DPP6: variants seen among roughly 807,000 people sequenced by gnomAD.
The protein encoded by DPP6 is dipeptidyl peptidase like 6, also known as A-type potassium channel modulatory protein DPP6.
DPP6 carries 69 observed loss-of-function variants against 122.6 expected under a neutral mutation model. The ratio of observed to expected loss-of-function variants is 0.56; its 90% confidence interval spans 0.46 to 0.69. The LOEUF is 0.69. DPP6 is among the 30% of genes least tolerant of loss of function. The pLI is 0.00. For missense variants in DPP6, 928 were observed against 1,116.9 expected, an observed-to-expected ratio of 0.83 and a Z score of 2.41; for synonymous variants, 418 against 433.1, an observed-to-expected ratio of 0.97 and a Z score of 0.43.
At chr7:154,134,030 G>A (rs964799851) in intron 1 of DPP6, among the ~76,000 whole-genome samples, 47 of 151,950 alleles carry the variant, frequency 3.1e-4, no homozygotes, top group Non-Finnish European at 5.6e-4. Context: ...AGGTTCAAAA[G>A]GCTAATTTGG....
the DPP6 span, among the ~76,000 whole-genome samples, chr7:153,865,439 C>G: frequency 6.6e-6 from 1 of 152,088 alleles, no homozygotes; most frequent in African/African-American, 2.4e-5. Context: ...AAAAGGGGCT[C>G]TAGTTTCTTT....
intron 1 of DPP6, among the ~76,000 whole-genome samples, chr7:154,125,594 A>G (rs1406260118): frequency 6.6e-6 from 1 of 152,146 alleles, no homozygotes; most frequent in African/African-American, 2.4e-5. Flanking sequence ...CCCCATCGGT[A>G]GGGCACAGGC....
At chr7:153,790,511 A>C in the DPP6 span, among the ~76,000 whole-genome samples, 121 of 152,292 alleles carry the variant, frequency 7.9e-4, no homozygotes, top group African/African-American at 2.2e-3. Flanking sequence ...TTTGGCTTTA[A>C]GTCTCCTAAG....
chr7:154,431,522 C>A (rs894110096), intron 1 of DPP6, among the ~76,000 whole-genome samples: 4 of 80,032 alleles, frequency 5.0e-5, no homozygotes, highest in African/African-American at 1.4e-4. Flanking sequence ...TTTATTATTT[C>A]TTTCTTTCTT....
chr7:154,111,460 A>G (rs893275879), intron 1 of DPP6, among the ~76,000 whole-genome samples: 13 of 152,210 alleles, frequency 8.5e-5, no homozygotes, highest in African/African-American at 3.1e-4. Flanking sequence ...TAAACAGTCA[A>G]TCAACATTAT....
intron 5 of DPP6, among the ~76,000 whole-genome samples, chr7:154,592,999 G>A (rs1427308219): frequency 6.6e-6 from 1 of 152,176 alleles, no homozygotes; most frequent in African/African-American, 2.4e-5. Flanking sequence ...CACCCAGGCT[G>A]CGGGCCGGAG....
intron 1 of DPP6, among the ~76,000 whole-genome samples, chr7:154,292,798 CAA>C (rs1391900402): frequency 6.6e-6 from 1 of 152,154 alleles, no homozygotes; most frequent in Non-Finnish European, 1.5e-5. Context: ...TCGCGTTTCA[CAA>C]AAGTTACACA....
At chr7:154,033,463 C>G (rs1428374303) in intron 1 of DPP6, among the ~76,000 whole-genome samples, 1 of 152,256 alleles carries the variant, frequency 6.6e-6, no homozygotes, top group Non-Finnish European at 1.5e-5. Context: ...AGTCCCCGTC[C>G]AGCATTTAAA....
intron 1 of DPP6, among the ~76,000 whole-genome samples, chr7:154,138,236 T>C (rs1258439259): frequency 1.3e-5 from 2 of 152,230 alleles, no homozygotes; most frequent in South Asian, 2.1e-4. Flanking sequence ...AGATGTTTTA[T>C]GTGTATGGTG....
intron 1 of DPP6, among the ~76,000 whole-genome samples, chr7:154,025,248 CT>C (rs1209245599): frequency 1.4e-5 from 2 of 144,864 alleles, no homozygotes; most frequent in African/African-American, 5.2e-5. Context: ...AAGACACTAT[CT>C]TGAGGGAAAA....
chr7:154,803,967 C>T lies in DPP6; in HGVS notation c.1499+12C>T, dbSNP rs774222176. On this transcript the variant is annotated intron_variant, in intron 14 of 25. Coordinates refer to ENST00000377770, the MANE Select transcript of DPP6 (RefSeq NM_130797.4). ...AAGGGGAATAAGATGTGAGTGAGAA[C>T]CAGGGGCCTGCCCCATCTTACTGGC... The T allele has an allele frequency of 1.9e-6, 3 of 1,612,412 alleles. No individual in the cohort carries two copies. Among genetic ancestry groups the T allele is most frequent in the East Asian group, 4.5e-5 (2 of 44,812 alleles).
At chr7:154,608,181 G>A (rs1297330159) in intron 5 of DPP6, among the ~76,000 whole-genome samples, 2 of 150,712 alleles carry the variant, frequency 1.3e-5, no homozygotes, top group Non-Finnish European at 3.0e-5. Flanking sequence ...GGGTTTCCCT[G>A]TGTTAGCCAG....
intron 1 of DPP6, among the ~76,000 whole-genome samples, chr7:154,315,165 T>G (rs1351261296): frequency 6.6e-6 from 1 of 152,204 alleles, no homozygotes; most frequent in Admixed American, 6.5e-5. Flanking sequence ...ATGCATGCTT[T>G]GGAAGTATGC....
At chr7:154,043,474 A>G (rs1416979326) in intron 1 of DPP6, among the ~76,000 whole-genome samples, 26 of 143,522 alleles carry the variant, frequency 1.8e-4, no homozygotes, top group Non-Finnish European at 2.7e-4. Flanking sequence ...TGCTCAGATA[A>G]GTATACCACC....
intron 17 of DPP6, among the ~76,000 whole-genome samples, chr7:154,862,522 G>T (rs543517380): frequency 6.6e-6 from 1 of 152,252 alleles, no homozygotes; most frequent in Admixed American, 6.5e-5. Flanking sequence ...AGCAAGCCAC[G>T]CATGGAGCTG....
At chr7:153,770,543 A>G in the DPP6 span, among the ~76,000 whole-genome samples, 1 of 152,224 alleles carries the variant, frequency 6.6e-6, no homozygotes, top group African/African-American at 2.4e-5. Flanking sequence ...GAAGGAAAAA[A>G]AAAGCCAATT....
At chr7:154,090,887 G>A (rs529869891) in intron 1 of DPP6, among the ~76,000 whole-genome samples, 54 of 149,172 alleles carry the variant, frequency 3.6e-4, no homozygotes, top group Admixed American at 1.7e-3. Flanking sequence ...TTGGGAGGCC[G>A]AGGCGGGCGG....
exon 1 of DPP6, chr7:153,887,717 A>G (rs759916108): frequency 1.2e-6 from 2 of 1,613,828 alleles, no homozygotes; most frequent in South Asian, 1.1e-5. Flanking sequence ...GACCGCTAAG[A>G]TGCAGGGGAA....
At chr7:153,845,456 A>G in the DPP6 span, among the ~76,000 whole-genome samples, 172 of 152,044 alleles carry the variant, frequency 1.1e-3, 2 homozygotes, top group East Asian at 0.026. Context: ...TTATCCTATT[A>G]TTTTTATTCC....
Sources: gnomAD v4.1 joint callset for allele counts (sites outside exome capture counted in the v4.1 genomes callset) on GRCh38, gnomAD v4.1.1 for gene constraint, MANE v1.5 for transcripts, NCBI Gene and HGNC (gene_info 2026-07-23, HGNC 2026-07-21) for gene names.